Variants in CLTC observed in about 807,000 individuals in gnomAD.
CLTC encodes the protein clathrin heavy chain 1.
A neutral mutation model predicts 195.8 loss-of-function variants in CLTC; 16 were observed. That is an observed-to-expected ratio of 0.08 (90% confidence interval 0.06 to 0.12). The LOEUF (loss-of-function observed/expected upper bound fraction) is 0.12, where lower values mean the gene tolerates loss of function less well. Ranked by LOEUF, CLTC falls within the 10% of genes least tolerant of loss-of-function variation. The probability of loss-of-function intolerance (pLI) is 1.00; values close to 1 mark genes in which losing one functional copy is unlikely to be tolerated. For missense variants in CLTC, 796 were observed against 2,027.0 expected (o/e 0.39, Z 11.66); for synonymous variants, 667 against 689.4 (o/e 0.97, Z 0.51).
chr17:59,626,810 T>C (rs1241631779), intron 1 of CLTC, among the ~76,000 whole-genome samples: 4 of 152,230 alleles, frequency 2.6e-5, no homozygotes, highest in African/African-American at 9.6e-5. Context: ...CTAAATGTGT[T>C]ATGCAAAACC....
Position 59,683,807 on chromosome 17 carries a change from C to T in CLTC, c.4323+51C>T, listed in dbSNP as rs757133960. 2 of 1,612,404 alleles carry T rather than the reference C, an allele frequency of 1.2e-6. No individual in the cohort carries two copies. Among genetic ancestry groups the T allele is most frequent in the Non-Finnish European group, 1.7e-6 (2 of 1,178,586 alleles). On this transcript the variant is annotated intron_variant, in intron 27 of 31. Transcript: ENST00000269122. This position sits in a 1 kb window ranked among gnomAD's most constrained non-coding sequence, Gnocchi z 6.1. ...CTTCATAGCAAGGAATTAGGACATA[C>T]TTCGATAACTTTTGTCCCTGGGACT... is the stretch of plus-strand genomic sequence containing the variant.
chr17:59,664,743 A>G lies in CLTC; in HGVS notation c.1522-44A>G, dbSNP rs763697749. The stretch of plus-strand genomic sequence containing the variant: ...TAGAAAAAGTCTTTAAATGCTATAA[A>G]ATTGAAACTTAGGAGCAGCGTTTAA... On this transcript the variant is annotated intron_variant, in intron 9 of 31. Transcript: ENST00000269122. 4.4e-6 allele frequency: 7 copies of G among 1,589,702 alleles called. 1 individual carries two copies. In the South Asian group the frequency reaches 7.9e-5, roughly 18 times the overall value.
chr17:59,684,134 ATCT>A, intron 28 of CLTC, 149 bp downstream of exon 28: 2 of 587,052 alleles, frequency 3.4e-6, no homozygotes, highest in East Asian at 5.7e-5. Context: ...GGATTGATAA[ATCT>A]TCTAATTAAG....
intron 5 of CLTC, among the ~76,000 whole-genome samples, chr17:59,654,624 T>C (rs7220191): frequency 0.8 from 121,919 of 152,158 alleles, 49,066 homozygotes; most frequent in East Asian, 0.93. Flanking sequence ...GGACTACAGG[T>C]GCACACTGCC....
intron 1 of CLTC, among the ~76,000 whole-genome samples, chr17:59,642,596 A>G (rs1212783534): frequency 6.6e-6 from 1 of 152,246 alleles, no homozygotes; most frequent in Non-Finnish European, 1.5e-5. Flanking sequence ...TCTCAAAAGA[A>G]AAGTTAAAGT....
At position 59,695,107 on chromosome 17, in the gene CLTC, C is replaced by G. The variant is rs544117001; in HGVS notation, c.*1255C>G. ...TAACTTGAAATAAAATATATTTAAA[C>G]ATGTAGTTAACATGCTCTTTCTCAT... On this transcript the variant is annotated 3_prime_UTR_variant, in exon 32 of 32. Transcript: ENST00000269122. 2.5e-5 allele frequency: 5 copies of G among 203,430 alleles called. No individual in the cohort carries two copies. Among genetic ancestry groups the G allele is most frequent in the African/African-American group, 1.1e-4 (5 of 43,794 alleles). The allele number at this position is 203,430 out of a possible 1,614,324, so 12.6% of individuals were successfully genotyped here.
chr17:59,673,099 G>T (rs1459231649), intron 14 of CLTC, among the ~76,000 whole-genome samples: 1 of 149,948 alleles, frequency 6.7e-6, no homozygotes, highest in African/African-American at 2.5e-5. Flanking sequence ...TAAATGCTGG[G>T]TTTTTTTTTT....
intron 16 of CLTC, among the ~76,000 whole-genome samples, chr17:59,675,497 T>A (rs2032946506): frequency 6.6e-6 from 1 of 152,146 alleles, no homozygotes; most frequent in African/African-American, 2.4e-5. Flanking sequence ...ATTAAGAAAG[T>A]CTGTGGGTTT....
At chr17:59,634,011 C>G (rs1451474377) in intron 1 of CLTC, among the ~76,000 whole-genome samples, 2 of 152,166 alleles carry the variant, frequency 1.3e-5, no homozygotes, top group Non-Finnish European at 2.9e-5. Context: ...TGGACTCAAA[C>G]AATCTTCCCA....
chr17:59,625,284 T>A lies in CLTC; in HGVS notation c.42+5111T>A, dbSNP rs905478034. Reference sequence around the variant, plus strand: ...CTACCACGCCCAGCTATTTTTTTTTTATTTTTATTTTTTGGTATTTTTAGT... The same window carrying A: ...CTACCACGCCCAGCTATTTTTTTTTAATTTTTATTTTTTGGTATTTTTAGT... On this transcript the variant is annotated intron_variant, in intron 1 of 31. Transcript: ENST00000269122. Among the ~76,000 whole-genome samples, 73 of 152,008 alleles carry A rather than the reference T, an allele frequency of 4.8e-4. 1 individual carries two copies. The highest frequency in any genetic ancestry group is 2.7e-3 in the Admixed American group (41 of 15,268).
intron 1 of CLTC, among the ~76,000 whole-genome samples, chr17:59,628,399 C>T (rs990908297): frequency 6.6e-6 from 1 of 152,184 alleles, no homozygotes; most frequent in Non-Finnish European, 1.5e-5. Context: ...TAACCCCTTA[C>T]AGGCACTCGA....
Position 59,683,969 on chromosome 17 carries a change from C to T in CLTC, c.4418C>T (p.Thr1473Ile), listed in dbSNP as rs1052697241. 7 of 1,586,298 alleles carry T rather than the reference C, an allele frequency of 4.4e-6. No homozygotes were observed. In the African/African-American group the frequency reaches 6.7e-5, roughly 15 times the overall value. The change falls in exon 28 of 32, where the codon ACA becomes ATA. Residue 1473 changes from threonine to isoleucine, a missense_variant. Physicochemically the swap from Thr to Ile is moderately conservative, Grantham distance 89. Coordinates refer to ENST00000269122, the MANE Select transcript of CLTC (RefSeq NM_004859.4). This position sits in a 1 kb window ranked among gnomAD's most constrained non-coding sequence, Gnocchi z 6.1. Reference sequence around the variant, plus strand: ...GAATCATTGAACAATCTTTTTATTACAGAAGAAGATTATCAGGTAAAACCT... The same window carrying T: ...GAATCATTGAACAATCTTTTTATTATAGAAGAAGATTATCAGGTAAAACCT... ...VNESLNNLFITEEDYQALRTS... is the reference protein window; with the variant it reads ...VNESLNNLFIIEEDYQALRTS...
In CLTC at chr17:59,679,505, C is replaced by A; in HGVS notation, c.2905C>A (p.Pro969Thr). Residue 969 changes from proline (P) to threonine (T), a missense_variant, in exon 18 of 32, where the codon CCC becomes ACC. Transcript: ENST00000269122. ...GCTGGAAAGCAATCCTTACAGGAGA[C>A]CCCTAATTGACCAGGTAACATTGGC... is the stretch of plus-strand genomic sequence containing the variant. Reference protein sequence around the residue: ...VLLESNPYRRPLIDQVVQTAL... With the variant: ...VLLESNPYRRTLIDQVVQTAL... 5.6e-6 allele frequency: 9 copies of A among 1,595,086 alleles called. No homozygotes were observed. The highest frequency in any genetic ancestry group is 7.7e-6 in the Non-Finnish European group (9 of 1,170,094).
chr17:59,669,001 T>C lies in CLTC; in HGVS notation c.2292+61T>C, dbSNP rs1043197501. On this transcript the variant is annotated intron_variant, in intron 14 of 31. Coordinates refer to ENST00000269122, the MANE Select transcript of CLTC (RefSeq NM_004859.4). ...TTCCAGGTTAGCAGTTCTACAAGGGTTTGGTCATAGTTCAAAAATATTTTT... is the reference window on the plus strand; with the variant it reads ...TTCCAGGTTAGCAGTTCTACAAGGGCTTGGTCATAGTTCAAAAATATTTTT... 3.8e-5 allele frequency: 55 copies of C among 1,460,834 alleles called. No individual in the cohort carries two copies. The Admixed American group carries it at 1.3e-3, about 33-fold the overall frequency. 90.5% of individuals were successfully genotyped at this position (1,460,834 alleles called of 1,614,324 possible). A position where few individuals can be genotyped will look rare whatever the true frequency, so the allele number is the denominator to read the frequency against.
chr17:59,658,114 A>T (rs2143534525), intron 6 of CLTC, among the ~76,000 whole-genome samples: 1 of 152,168 alleles, frequency 6.6e-6, no homozygotes, highest in East Asian at 1.9e-4. Flanking sequence ...GAGACAGGAG[A>T]ATTGCTTGAA....
At chr17:59,645,386 G>C (rs2032163653) in intron 2 of CLTC, among the ~76,000 whole-genome samples, 1 of 152,302 alleles carries the variant, frequency 6.6e-6, no homozygotes, top group East Asian at 1.9e-4. Context: ...CAAGGGAACT[G>C]TGCAGCTTAA....
intron 4 of CLTC, among the ~76,000 whole-genome samples, chr17:59,649,407 A>G (rs2032274604): frequency 6.6e-6 from 1 of 152,198 alleles, no homozygotes; most frequent in African/African-American, 2.4e-5. Context: ...TCCCTGTTCA[A>G]AGTCTAGTTT....
intron 10 of CLTC, 127 bp from the exon 11 acceptor site, chr17:59,665,976 A>G (rs1377269185): frequency 3.3e-6 from 2 of 599,226 alleles, no homozygotes; most frequent in Non-Finnish European, 5.6e-6. Context: ...TAGAGGACAA[A>G]AATTTGTTCT....
rs2031305338 is a variant in CLTC, at chr17:59,619,977, T to G, written c.-155T>G. The G allele has an allele frequency of 1.6e-6, 1 of 636,506 alleles. No individual in the cohort carries two copies. Among genetic ancestry groups the G allele is most frequent in the African/African-American group, 1.8e-5 (1 of 54,796 alleles). 39.4% of individuals were successfully genotyped at this position (636,506 alleles called of 1,614,324 possible). A position where few individuals can be genotyped will look rare whatever the true frequency, so the allele number is the denominator to read the frequency against. ...TGGAGCCTCCGCCCCCGACCCGAGC[T>G]CTTTCGTCTGCCTGCCAGTTTCCTG... On this transcript the variant is annotated 5_prime_UTR_variant, in exon 1 of 32. Coordinates refer to ENST00000269122, the MANE Select transcript of CLTC (RefSeq NM_004859.4).
Sources: allele counts gnomAD v4.1 joint callset (sites outside exome capture counted in the v4.1 genomes callset), GRCh38; gene constraint gnomAD v4.1.1; non-coding constraint Gnocchi (gnomAD v3.1); transcripts MANE v1.5; gene names NCBI Gene and HGNC (gene_info 2026-07-23, HGNC 2026-07-21).